The following KIF13B variants were observed in gnomAD, a reference collection of about 807,000 sequenced individuals.
The protein encoded by KIF13B is kinesin family member 13B.
In KIF13B, 127 loss-of-function variants were observed where a neutral mutation model predicts 222.0. The ratio of observed to expected loss-of-function variants is 0.57; its 90% CI spans 0.50 to 0.66. KIF13B has a LOEUF of 0.66. KIF13B is among the 30% of genes least tolerant of loss of function. The probability of loss-of-function intolerance (pLI) is 0.00; values close to 1 mark genes in which losing one functional copy is unlikely to be tolerated. For synonymous variants in KIF13B, 976 were observed against 919.0 expected, an observed-to-expected ratio of 1.06 and a Z score of -1.12; for missense variants, 2,173 against 2,379.0, an observed-to-expected ratio of 0.91 and a Z score of 1.80.
chr8:29,070,579 G>T lies in KIF13B; in HGVS notation c.5406C>A (p.Ala1802=), dbSNP rs1196242157. Residue 1802 remains alanine (A), a synonymous_variant, in exon 40 of 40, where the codon GCC becomes GCA. Transcript: ENST00000524189. The surrounding 1 kb of genome is among the most constrained non-coding windows in gnomAD (Gnocchi z 4.1). ...ATLSGSATNL[A]SLTAALAKAD... ...CCTTGGCCAGGGCAGCTGTCAGCGA[G>T]GCCAGGTTGGTGGCGGAGCCCGAGA... 2 of 1,603,770 alleles carry T rather than the reference G, an allele frequency of 1.2e-6. No homozygotes were observed.
chr8:29,256,762 G>GT (rs1457068370), intron 1 of KIF13B, among the ~76,000 whole-genome samples: 1 of 152,022 alleles, frequency 6.6e-6, no homozygotes, highest in African/African-American at 2.4e-5. Flanking sequence ...TTGTTTGTTT[G>GT]TTTGTTTGTT....
At position 29,068,753 on chromosome 8, in the gene KIF13B, A is replaced by C. The variant is rs557927034; in HGVS notation, c.*1751T>G. The C allele has an allele frequency of 6.6e-6, 1 of 152,514 alleles. No homozygotes were observed. Among genetic ancestry groups the C allele is most frequent in the East Asian group, 1.9e-4 (1 of 5,178 alleles). The allele number at this position is 152,514 out of a possible 1,614,324, so 9.4% of individuals were successfully genotyped here. A position where few individuals can be genotyped will look rare whatever the true frequency, so the allele number is the denominator to read the frequency against. ...AGTGACACCAGCGGACCCAAAAACA[A>C]ACTTCTCAGTGAAACAGGTTTTAAA... On this transcript the variant is annotated 3_prime_UTR_variant, in exon 40 of 40. Transcript: ENST00000524189. This position sits in a 1 kb window ranked among gnomAD's most constrained non-coding sequence, Gnocchi z 4.4.
At chr8:29,144,810 C>T (rs925491350) in intron 18 of KIF13B, among the ~76,000 whole-genome samples, 1 of 152,080 alleles carries the variant, frequency 6.6e-6, no homozygotes, top group East Asian at 1.9e-4. Flanking sequence ...TTTTCAAATA[C>T]CAAAAAATAG....
chr8:29,116,028 C>T (rs143576108), intron 31 of KIF13B, among the ~76,000 whole-genome samples: 459 of 152,298 alleles, frequency 3.0e-3, no homozygotes, highest in African/African-American at 0.01. Context: ...TTGCCTGTTA[C>T]GTATCTACCT....
At chr8:29,177,833 C>T (rs954696135) in intron 8 of KIF13B, among the ~76,000 whole-genome samples, 2 of 152,176 alleles carry the variant, frequency 1.3e-5, no homozygotes, top group African/African-American at 4.8e-5. Context: ...CACTTGAGCC[C>T]AGAAGTTCCA....
At chr8:29,091,527 A>G (rs1349544722) in intron 37 of KIF13B, among the ~76,000 whole-genome samples, 1 of 152,248 alleles carries the variant, frequency 6.6e-6, no homozygotes, top group Non-Finnish European at 1.5e-5. Flanking sequence ...GGTCTCTCCA[A>G]GTTAGCTATG....
At chr8:29,099,404 G>A in intron 35 of KIF13B, among the ~76,000 whole-genome samples, 163 bp from the exon 36 acceptor site, 1 of 151,962 alleles carries the variant, frequency 6.6e-6, no homozygotes, top group East Asian at 1.9e-4. Context: ...AAGAGACAGA[G>A]TTTCTGTCAC....
Position 29,099,119 on chromosome 8 carries a change from A to C in KIF13B, c.4324+14T>G. On this transcript the variant is annotated intron_variant, in intron 36 of 39. Transcript: ENST00000524189. The stretch of plus-strand genomic sequence containing the variant: ...GATTTCTGACAGTAATTGACAAGTG[A>C]AAAGATAACTTACCTGGATCTGGAG... 6.3e-7 allele frequency: 1 copy of C among 1,581,088 alleles called. No individual in the cohort carries two copies. The highest frequency in any genetic ancestry group is 8.7e-7 in the Non-Finnish European group (1 of 1,149,830).
At chr8:29,178,580 C>G (rs2130260093) in intron 8 of KIF13B, among the ~76,000 whole-genome samples, 1 of 147,620 alleles carries the variant, frequency 6.8e-6, no homozygotes, top group South Asian at 2.2e-4. Flanking sequence ...TTAAAATAGA[C>G]ATTTATTTCC....
chr8:29,197,148 T>C (rs1272056189), intron 2 of KIF13B, among the ~76,000 whole-genome samples: 5 of 150,882 alleles, frequency 3.3e-5, no homozygotes, highest in Non-Finnish European at 7.4e-5. Flanking sequence ...CCATCCCGGC[T>C]AAAACGGTGA....
chr8:29,112,752 C>T (rs1266138242), intron 32 of KIF13B, among the ~76,000 whole-genome samples: 1 of 152,178 alleles, frequency 6.6e-6, no homozygotes, highest in Non-Finnish European at 1.5e-5. Context: ...GCCCCATTTC[C>T]CAGCTGTGCT....
At chr8:29,109,402 G>T in intron 34 of KIF13B, 32 bp downstream of exon 34, 2 of 1,530,550 alleles carry the variant, frequency 1.3e-6, no homozygotes, top group Non-Finnish European at 1.8e-6. Flanking sequence ...GAAGTCCCAG[G>T]CACAGCACAG....
At chr8:29,215,250 C>A (rs973715291) in intron 2 of KIF13B, among the ~76,000 whole-genome samples, 3 of 152,058 alleles carry the variant, frequency 2.0e-5, no homozygotes, top group African/African-American at 7.2e-5. Context: ...AAAGACTTTT[C>A]CAACCTACCT....
chr8:29,085,290 C>A (rs1053984461), intron 37 of KIF13B, among the ~76,000 whole-genome samples: 2 of 152,272 alleles, frequency 1.3e-5, no homozygotes, highest in Admixed American at 6.5e-5. Context: ...AGGGAGGGAA[C>A]TGAACATTCT....
chr8:29,071,543 C>T lies in KIF13B; in HGVS notation c.5218+77G>A. 1 of 1,326,260 alleles carries T rather than the reference C, an allele frequency of 7.5e-7. No individual in the cohort carries two copies. The highest frequency in any genetic ancestry group is 1.3e-5 in the South Asian group (1 of 79,278). 82.2% of individuals were successfully genotyped at this position (1,326,260 alleles called of 1,614,324 possible). On this transcript the variant is annotated intron_variant, in intron 39 of 39. Transcript: ENST00000524189. This position sits in a 1 kb window ranked among gnomAD's most constrained non-coding sequence, Gnocchi z 4.9. The stretch of plus-strand genomic sequence containing the variant: ...CCTCCCTCTCCTGCCCGGACCCTGT[C>T]CCCTCCCAGGCCGGCCACGTTCCTG...
At position 29,134,260 on chromosome 8, in the gene KIF13B, G is replaced by C. The variant is rs765038211; in HGVS notation, c.2614-50C>G. On this transcript the variant is annotated intron_variant, in intron 21 of 39. Transcript: ENST00000524189. ...TTTTGAAATCTGAGGGTTCCAACAAGCATTCAGAGTTGCAGGTTCCAGCCC... is the reference window on the plus strand; with the variant it reads ...TTTTGAAATCTGAGGGTTCCAACAACCATTCAGAGTTGCAGGTTCCAGCCC... The C allele has an allele frequency of 2.5e-6, 4 of 1,578,898 alleles. No homozygotes were observed. In the African/African-American group the frequency reaches 4.1e-5, roughly 16 times the overall value.
intron 37 of KIF13B, among the ~76,000 whole-genome samples, chr8:29,089,944 C>A (rs1397983800): frequency 6.6e-6 from 1 of 151,350 alleles, no homozygotes; most frequent in Non-Finnish European, 1.5e-5. Flanking sequence ...ATGGTGGAAG[C>A]TGTTCTGGTG....
chr8:29,102,434 C>T (rs564724154), intron 35 of KIF13B, among the ~76,000 whole-genome samples: 1 of 152,166 alleles, frequency 6.6e-6, no homozygotes, highest in Non-Finnish European at 1.5e-5. Flanking sequence ...TTGTCCTCAC[C>T]GGCAGACTCA....
In KIF13B at chr8:29,140,554, T is replaced by C. The variant is rs566501978; in HGVS notation, c.2398A>G (p.Ile800Val). The C allele has an allele frequency of 1.1e-5, 17 of 1,613,742 alleles. No homozygotes were observed. In the Admixed American group the frequency reaches 1.3e-4, roughly 13 times the overall value. ...FYDEQENHSLIGVANVFLESL... is the reference protein window; with the variant it reads ...FYDEQENHSLVGVANVFLESL... ...TCGAGGAAGACATTGGCCACCCCAA[T>C]GAGACTGTGATTTTCCTGCTCATCA... The change falls in exon 20 of 40, where the codon ATT (isoleucine) becomes GTT (valine). Residue 800 changes from isoleucine to valine, a missense_variant. Physicochemically the swap from Ile to Val is conservative, Grantham distance 29. Transcript: ENST00000524189.
Sources: allele counts gnomAD v4.1 joint callset (sites outside exome capture counted in the v4.1 genomes callset), GRCh38; gene constraint gnomAD v4.1.1; non-coding constraint Gnocchi (gnomAD v3.1); transcripts MANE v1.5; gene names NCBI Gene and HGNC (gene_info 2026-07-23, HGNC 2026-07-21).